Variants in ATXN1 observed in about 807,000 individuals in gnomAD.
ATXN1 encodes the protein ataxin 1.
Under a neutral mutation model 56.4 loss-of-function variants are expected in ATXN1, and 8 were observed. The observed-to-expected ratio is 0.14, with a 90% CI of 0.08 to 0.26. ATXN1 has a LOEUF of 0.26. ATXN1 is among the 10% of genes least tolerant of loss of function. The pLI is 1.00. For missense variants in ATXN1, 987 were observed against 1,106.5 expected (o/e 0.89, Z 1.53); for synonymous variants, 514 against 494.6 (o/e 1.04, Z -0.52).
chr6:16,463,140 T>C (rs1760033598), intron 6 of ATXN1, among the ~76,000 whole-genome samples: 1 of 152,178 alleles, frequency 6.6e-6, no homozygotes. Context: ...CTCACCAGAC[T>C]ACCTTGGCAA....
At chr6:16,347,224 G>A (rs1241751728) in intron 6 of ATXN1, among the ~76,000 whole-genome samples, 2 of 152,248 alleles carry the variant, frequency 1.3e-5, no homozygotes, top group East Asian at 1.9e-4. Context: ...TGAGGAGTGC[G>A]GGCGCACGGC....
intron 6 of ATXN1, among the ~76,000 whole-genome samples, chr6:16,329,028 T>C (rs1215099660): frequency 6.6e-6 from 1 of 152,132 alleles, no homozygotes; most frequent in African/African-American, 2.4e-5. Context: ...GTGAACACTG[T>C]AACACATATA....
chr6:16,436,942 C>T (rs912183006), intron 6 of ATXN1, among the ~76,000 whole-genome samples: 2 of 152,058 alleles, frequency 1.3e-5, no homozygotes, highest in African/African-American at 4.8e-5. Flanking sequence ...ATGGTGGCAC[C>T]GTGGACCAGC....
At chr6:16,660,343 T>G (rs1453125213) in intron 2 of ATXN1, among the ~76,000 whole-genome samples, 1 of 152,220 alleles carries the variant, frequency 6.6e-6, no homozygotes, top group Admixed American at 6.5e-5. Context: ...CCTGCATATG[T>G]GAAAGTTGGC....
intron 1 of ATXN1, among the ~76,000 whole-genome samples, chr6:16,758,915 C>T (rs1222713606): frequency 6.6e-6 from 1 of 152,140 alleles, no homozygotes; most frequent in East Asian, 1.9e-4. Context: ...TGGTGCAATC[C>T]CTTTCCAAGA....
chr6:16,396,486 A>G (rs890159624), intron 6 of ATXN1, among the ~76,000 whole-genome samples: 1 of 152,222 alleles, frequency 6.6e-6, no homozygotes, highest in African/African-American at 2.4e-5. Context: ...ATGTGTTTGT[A>G]TTTTAAACTG....
chr6:16,616,194 A>C (rs185323823), intron 3 of ATXN1: 6 of 152,190 alleles, frequency 3.9e-5, no homozygotes, highest in African/African-American at 1.4e-4. Context: ...GTTATTGTCT[A>C]CTTAGAATAT....
At chr6:16,469,084 C>A (rs1028338570) in intron 6 of ATXN1, among the ~76,000 whole-genome samples, 4 of 152,126 alleles carry the variant, frequency 2.6e-5, no homozygotes, top group African/African-American at 4.8e-5. Flanking sequence ...TTTTAAAATG[C>A]ACTTACACCG....
rs199716501 is a variant in ATXN1, at chr6:16,327,231, G to A, written c.1080C>T (p.His360=). The A allele has an allele frequency of 1.8e-5, 29 of 1,613,352 alleles. 1 individual carries two copies. The Middle Eastern group carries it at 1.6e-3, about 91-fold the overall frequency. The stretch of plus-strand genomic sequence containing the variant: ...CTGAGGGGCTCGGGTGGACCACCAC[G>A]TGCCTGGACTCGTACGGGTGAGGAA... ...KSVPHPYESR[H]VVVHPSPSDY... The change falls in exon 7 of 8, where the codon CAC becomes CAT. Residue 360 remains histidine, a synonymous_variant. Transcript: ENST00000436367.
Position 16,721,604 on chromosome 6 carries a change from G to GCA in ATXN1, c.-615+31628_-615+31629insTG, listed in dbSNP as rs1180503224. 2.6e-5 allele frequency among the ~76,000 whole-genome samples: 4 copies of GCA among 152,274 alleles called. No individual in the cohort carries two copies. The East Asian group carries it at 7.7e-4, about 29-fold the overall frequency. ...ATCATGCCACTGCACTCCAGCCAGGGTGATAGAGGGAGACCCTGCCTCTTA... is the reference window on the plus strand; with the variant it reads ...ATCATGCCACTGCACTCCAGCCAGGGCATGATAGAGGGAGACCCTGCCTCTTA... On this transcript the variant is annotated intron_variant, in intron 2 of 7. Coordinates refer to ENST00000436367, the MANE Select transcript of ATXN1 (RefSeq NM_001128164.2).
chr6:16,630,651 A>G (rs762968311), intron 3 of ATXN1, among the ~76,000 whole-genome samples: 15 of 152,246 alleles, frequency 9.9e-5, no homozygotes, highest in Non-Finnish European at 2.1e-4. Flanking sequence ...AAAGCAATGC[A>G]TTATTAAAAT....
chr6:16,394,682 G>A (rs111414893), intron 6 of ATXN1, among the ~76,000 whole-genome samples: 2 of 152,202 alleles, frequency 1.3e-5, no homozygotes, highest in African/African-American at 4.8e-5. Flanking sequence ...CTAAAAAGTT[G>A]AATACTAGCT....
At position 16,486,007 on chromosome 6, in the gene ATXN1, C is replaced by T. The variant is rs1439635516; in HGVS notation, c.-196G>A. 1 of 152,258 alleles carries T rather than the reference C, an allele frequency of 6.6e-6. No homozygotes were observed. The highest frequency in any genetic ancestry group is 2.1e-4 in the South Asian group (1 of 4,818). The allele number at this position is 152,258 out of a possible 1,614,324, so 9.4% of individuals were successfully genotyped here. A position where few individuals can be genotyped will look rare whatever the true frequency, so the allele number is the denominator to read the frequency against. On this transcript the variant is annotated 5_prime_UTR_variant, in exon 6 of 8. Transcript: ENST00000436367. The stretch of plus-strand genomic sequence containing the variant: ...GCGTACTGTTCACAGGTAGCCTCAG[C>T]CTATACTTCACCATGGAGACTTCCC...
chr6:16,575,326 G>C (rs1762403189), intron 4 of ATXN1, among the ~76,000 whole-genome samples: 1 of 152,128 alleles, frequency 6.6e-6, no homozygotes. Flanking sequence ...TTCTTACTAT[G>C]AGTTCTAATG....
At chr6:16,489,437 T>A (rs953205555) in intron 5 of ATXN1, among the ~76,000 whole-genome samples, 2 of 152,214 alleles carry the variant, frequency 1.3e-5, no homozygotes, top group African/African-American at 4.8e-5. Context: ...AGCCTTTCTA[T>A]TCTGTTCTTC....
intron 2 of ATXN1, among the ~76,000 whole-genome samples, chr6:16,711,736 G>A (rs1366031179): frequency 1.3e-5 from 2 of 151,952 alleles, no homozygotes; most frequent in African/African-American, 4.8e-5. Flanking sequence ...TCCCACCTCA[G>A]CCTCCTGAGT....
At chr6:16,612,807 C>T (rs1763133752) in intron 3 of ATXN1, among the ~76,000 whole-genome samples, 1 of 151,100 alleles carries the variant, frequency 6.6e-6, no homozygotes, top group South Asian at 2.1e-4. Flanking sequence ...AGGAGAATCA[C>T]TTGAACCCGT....
intron 3 of ATXN1, chr6:16,614,885 A>G (rs980051008): frequency 6.6e-6 from 1 of 151,534 alleles, no homozygotes; most frequent in African/African-American, 2.4e-5. Flanking sequence ...ATCGTGTGCC[A>G]CTGCACTCCA....
At chr6:16,558,264 G>A (rs894177560) in intron 4 of ATXN1, among the ~76,000 whole-genome samples, 6 of 137,902 alleles carry the variant, frequency 4.4e-5, no homozygotes, top group African/African-American at 1.4e-4. Flanking sequence ...CTGCACCACT[G>A]CACTCCAGCC....
Sources: allele counts gnomAD v4.1 joint callset (sites outside exome capture counted in the v4.1 genomes callset), GRCh38; gene constraint gnomAD v4.1.1; transcripts MANE v1.5; gene names NCBI Gene and HGNC (gene_info 2026-07-23, HGNC 2026-07-21).